The following HPSE2 variants were observed in gnomAD, a reference collection of about 807,000 sequenced individuals.
The protein encoded by HPSE2 is inactive heparanase-2.
In HPSE2, 38 loss-of-function variants were observed where a neutral mutation model predicts 60.5. The ratio of observed to expected loss-of-function variants is 0.63; its 90% confidence interval spans 0.48 to 0.82. The LOEUF (loss-of-function observed/expected upper bound fraction) is 0.82. Among genes scored for constraint, HPSE2 ranks in the 40% least tolerant of loss-of-function variants. HPSE2 has a pLI of 0.00. For missense variants in HPSE2, 713 were observed against 740.4 expected (o/e 0.96, Z 0.43); for synonymous variants, 295 against 293.2 (o/e 1.01, Z -0.06).
At chr10:98,875,101 A>C (rs1952838670) in intron 3 of HPSE2, among the ~76,000 whole-genome samples, 1 of 151,970 alleles carries the variant, frequency 6.6e-6, no homozygotes, top group African/African-American at 2.4e-5. Flanking sequence ...TGACACCCTA[A>C]CATCACAATA....
In HPSE2 at chr10:98,721,774, C is replaced by T. The variant is rs774034388; in HGVS notation, c.839G>A (p.Gly280Glu). Residue 280 changes from glycine (G) to glutamate (E), a missense_variant, in exon 5 of 12, where the codon GGA (glycine) becomes GAA (glutamate). By Grantham distance (98) the Gly-to-Glu change is moderately conservative. Transcript: ENST00000370552. ...HGRAVNGSQL[G>E]KDYIQLKSLL... ...GCTCTTCAGCTGGATGTAATCCTTT[C>T]CCAACTGGCTGCCATTTACTGCCCG... 1 of 1,613,624 alleles carries T rather than the reference C, an allele frequency of 6.2e-7. No individual in the cohort carries two copies. The highest frequency in any genetic ancestry group is 1.1e-5 in the South Asian group (1 of 91,066).
chr10:98,600,266 A>T (rs1488496401), intron 9 of HPSE2, among the ~76,000 whole-genome samples: 2 of 152,234 alleles, frequency 1.3e-5, no homozygotes, highest in Non-Finnish European at 2.9e-5. Flanking sequence ...TACTACATGC[A>T]TAAAAGGATA....
intron 9 of HPSE2, among the ~76,000 whole-genome samples, chr10:98,511,709 T>C (rs1942413603): frequency 6.6e-6 from 1 of 152,000 alleles, no homozygotes; most frequent in African/African-American, 2.4e-5. Flanking sequence ...GACATTGGGA[T>C]TTAATAAATA....
rs1051781888 is a variant in HPSE2 at position 98,735,606 on chromosome 10, G to T, written c.784+8277C>A. Among the ~76,000 whole-genome samples the T allele has an allele frequency of 2.6e-5, 4 of 152,034 alleles. No homozygotes were observed. The East Asian group carries it at 5.9e-4, about 22-fold the overall frequency. ...CAGGAATGGGGCTGTACTCTGTAAA[G>T]CCACAGGGGCAGAACTGCCCAAGAC... On this transcript the variant is annotated intron_variant, in intron 4 of 11. Transcript: ENST00000370552.
chr10:99,040,987 C>T (rs765004506), intron 3 of HPSE2, among the ~76,000 whole-genome samples: 13 of 151,108 alleles, frequency 8.6e-5, no homozygotes, highest in East Asian at 3.9e-4. Context: ...CTCCGGAGGC[C>T]GAGGCAGGAG....
chr10:99,257,039 T>C, the HPSE2 span, among the ~76,000 whole-genome samples: 1 of 152,238 alleles, frequency 6.6e-6, no homozygotes, highest in African/African-American at 2.4e-5. Context: ...TGAACATAAA[T>C]TGTGAAGATT....
At chr10:98,555,803 A>G (rs552487688) in intron 9 of HPSE2, among the ~76,000 whole-genome samples, 7 of 152,210 alleles carry the variant, frequency 4.6e-5, no homozygotes, top group Non-Finnish European at 1.0e-4. Context: ...CACGAAAATA[A>G]CGTAAAGCAG....
chr10:98,603,173 C>T (rs667613), intron 9 of HPSE2, among the ~76,000 whole-genome samples: 16,179 of 152,134 alleles, frequency 0.11, 1,484 homozygotes, highest in African/African-American at 0.26. Context: ...ATTGGAGAGA[C>T]AGACAGACAA....
At chr10:98,574,569 T>C (rs1944589551) in intron 9 of HPSE2, among the ~76,000 whole-genome samples, 2 of 152,246 alleles carry the variant, frequency 1.3e-5, no homozygotes, top group Non-Finnish European at 1.5e-5. Context: ...TGCTGAAGAA[T>C]CTGGAACCAC....
chr10:98,604,117 A>T (rs758931730), intron 9 of HPSE2, among the ~76,000 whole-genome samples: 2 of 152,170 alleles, frequency 1.3e-5, no homozygotes, highest in Non-Finnish European at 2.9e-5. Context: ...TACAAGGCAC[A>T]CTTAAAGGGA....
chr10:99,193,099 G>A (rs933651915), intron 2 of HPSE2, among the ~76,000 whole-genome samples: 3 of 152,038 alleles, frequency 2.0e-5, no homozygotes, highest in African/African-American at 4.8e-5. Flanking sequence ...TCAAGACATA[G>A]ACAGTACAAT....
At chr10:98,559,725 A>C (rs1944116828) in intron 9 of HPSE2, among the ~76,000 whole-genome samples, 1 of 152,240 alleles carries the variant, frequency 6.6e-6, no homozygotes, top group South Asian at 2.1e-4. Context: ...TGAGAAGTAA[A>C]GACAGCCTGG....
chr10:98,501,639 C>A (rs1942031982), intron 9 of HPSE2, among the ~76,000 whole-genome samples: 1 of 152,124 alleles, frequency 6.6e-6, no homozygotes, highest in African/African-American at 2.4e-5. Context: ...AGAACTGGAA[C>A]AAGACAAAGA....
the HPSE2 span, among the ~76,000 whole-genome samples, chr10:99,253,912 T>A: frequency 0.016 from 2,371 of 152,256 alleles, 64 homozygotes; most frequent in African/African-American, 0.054. Context: ...TGAGTTGCCA[T>A]CTCACAGCAG....
At chr10:98,763,043 A>G (rs1191790043) in intron 3 of HPSE2, among the ~76,000 whole-genome samples, 4 of 152,124 alleles carry the variant, frequency 2.6e-5, no homozygotes, top group African/African-American at 7.2e-5. Context: ...GCTAAAATAT[A>G]TAATATTTGA....
chr10:98,972,122 T>C (rs1046974657), intron 3 of HPSE2, among the ~76,000 whole-genome samples: 3 of 152,098 alleles, frequency 2.0e-5, no homozygotes, highest in Non-Finnish European at 4.4e-5. Context: ...TATCTCATTG[T>C]TTTTATAATT....
chr10:99,305,894 T>C, the HPSE2 span, among the ~76,000 whole-genome samples: 1 of 151,212 alleles, frequency 6.6e-6, no homozygotes, highest in East Asian at 2.0e-4. Flanking sequence ...TAAAAATAGA[T>C]TGACCTAACA....
At chr10:99,212,543 T>C (rs1017729405) in intron 2 of HPSE2, among the ~76,000 whole-genome samples, 3 of 152,076 alleles carry the variant, frequency 2.0e-5, no homozygotes, top group Non-Finnish European at 2.9e-5. Context: ...TTAGGGTAAG[T>C]GAAATAAACC....
intron 3 of HPSE2, among the ~76,000 whole-genome samples, chr10:98,801,398 T>C (rs1005483738): frequency 6.6e-6 from 1 of 152,042 alleles, no homozygotes; most frequent in Non-Finnish European, 1.5e-5. Flanking sequence ...GCATCCAAAT[T>C]GGAAAGAAAG....
Sources: gnomAD v4.1 joint callset for allele counts (sites outside exome capture counted in the v4.1 genomes callset) on GRCh38, gnomAD v4.1.1 for gene constraint, MANE v1.5 for transcripts, NCBI Gene and HGNC (gene_info 2026-07-23, HGNC 2026-07-21) for gene names.